The following XIRP2 variants were observed in gnomAD, a reference collection of about 807,000 sequenced individuals.
XIRP2 encodes the protein xin actin-binding repeat-containing protein 2.
In XIRP2, 236 loss-of-function variants were observed where a neutral mutation model predicts 277.0. The observed-to-expected ratio is 0.85, with a 90% CI of 0.77 to 0.95. The LOEUF (loss-of-function observed/expected upper bound fraction) is 0.95. Among genes scored for constraint, XIRP2 ranks in the 40% least tolerant of loss-of-function variants. The pLI, the probability that XIRP2 is intolerant of heterozygous loss-of-function variation, is 0.00. For missense variants in XIRP2, 4,640 were observed against 4,157.5 expected (o/e 1.12, Z -3.19); for synonymous variants, 1,490 against 1,416.5 (o/e 1.05, Z -1.17).
chr2:167,239,230 A>G (rs1694985807), intron 5 of XIRP2, among the ~76,000 whole-genome samples: 1 of 152,198 alleles, frequency 6.6e-6, no homozygotes, highest in African/African-American at 2.4e-5. Context: ...TCTTTCTCAT[A>G]CTGGGTAATA....
In XIRP2 at chr2:167,217,690, G is replaced by A. The variant is rs182554575; in HGVS notation, c.724-476G>A. 2.3e-3 allele frequency among the ~76,000 whole-genome samples: 352 copies of A among 152,202 alleles called. 1 individual carries two copies. Among genetic ancestry groups the A allele is most frequent in the Non-Finnish European group, 3.3e-3 (224 of 68,012 alleles). ...AATATTTTTACATAAGGAATATTCT[G>A]AGGCTATTTTGTTCATCCTTAATAA... On this transcript the variant is annotated intron_variant, in intron 4 of 10. Coordinates refer to ENST00000409195, the MANE Select transcript of XIRP2 (RefSeq NM_152381.6).
intron 2 of XIRP2, among the ~76,000 whole-genome samples, chr2:167,038,351 C>T (rs1013625314): frequency 4.0e-5 from 6 of 151,872 alleles, no homozygotes; most frequent in Non-Finnish European, 7.4e-5. Context: ...CAATAAAGTA[C>T]ATTTGGTTTA....
intron 3 of XIRP2, among the ~76,000 whole-genome samples, chr2:167,204,961 T>C (rs1693815901): frequency 6.6e-6 from 1 of 152,184 alleles, no homozygotes; most frequent in African/African-American, 2.4e-5. Flanking sequence ...AGGTGGGGAT[T>C]TCTTAATGTT....
intron 2 of XIRP2, among the ~76,000 whole-genome samples, chr2:167,014,304 C>G (rs1162169430): frequency 1.3e-5 from 2 of 151,166 alleles, no homozygotes; most frequent in East Asian, 3.9e-4. Context: ...AAAGCCTAAA[C>G]TGAGAAGAAG....
At position 167,205,064 on chromosome 2, in the gene XIRP2, A is replaced by G. The variant is rs1235365309; in HGVS notation, c.563-5671A>G. 5.3e-5 allele frequency among the ~76,000 whole-genome samples: 8 copies of G among 152,218 alleles called. 1 individual carries two copies. The East Asian group carries it at 1.5e-3, about 29-fold the overall frequency. On this transcript the variant is annotated intron_variant, in intron 3 of 10. Transcript: ENST00000409195. Reference sequence around the variant, plus strand: ...TTCTGCATCTTTCTCTCTAGCACATATTCACATGGCCAGCTCTTTCAGGAT... The same window carrying G: ...TTCTGCATCTTTCTCTCTAGCACATGTTCACATGGCCAGCTCTTTCAGGAT...
intron 2 of XIRP2, among the ~76,000 whole-genome samples, chr2:166,904,938 T>A (rs886905594): frequency 6.6e-6 from 1 of 152,050 alleles, no homozygotes; most frequent in African/African-American, 2.4e-5. Flanking sequence ...TGCTTCCAGT[T>A]GTCTTATTGG....
chr2:167,036,755 C>T (rs541126721), intron 2 of XIRP2, among the ~76,000 whole-genome samples: 5 of 152,138 alleles, frequency 3.3e-5, no homozygotes, highest in South Asian at 2.1e-4. Flanking sequence ...GTGTCCCCAC[C>T]CAAATCTCAA....
intron 2 of XIRP2, among the ~76,000 whole-genome samples, chr2:167,095,007 T>C (rs114280962): frequency 6.6e-6 from 1 of 152,214 alleles, no homozygotes; most frequent in Non-Finnish European, 1.5e-5. Context: ...TGATGATTTG[T>C]AATTCCCCTA....
chr2:167,110,028 T>A (rs1329375567), intron 2 of XIRP2, among the ~76,000 whole-genome samples: 1 of 151,358 alleles, frequency 6.6e-6, no homozygotes, highest in Admixed American at 6.6e-5. Flanking sequence ...TTGTTTGATT[T>A]TTACTTGTAA....
rs777524522 is a variant in XIRP2, at chr2:167,251,003, C to T, written c.9611C>T (p.Pro3204Leu). 6.2e-6 allele frequency: 10 copies of T among 1,613,650 alleles called. No homozygotes were observed. The South Asian group carries it at 9.9e-5, about 16-fold the overall frequency. The change falls in exon 9 of 11, where the codon CCG becomes CTG. Residue 3204 changes from proline (P) to leucine (L), a missense_variant. Transcript: ENST00000409195. The stretch of plus-strand genomic sequence containing the variant: ...GCCATCCCATGTCCAGCAGCAACCC[C>T]GGTTCCAATTGTAGAGAAGAGGTCT... ...KGAIPCPAAT[P>L]VPIVEKRSEI... is the part of the protein sequence containing the mutation.
chr2:167,088,338 C>G (rs779419760), intron 2 of XIRP2, among the ~76,000 whole-genome samples: 1 of 152,014 alleles, frequency 6.6e-6, no homozygotes, highest in Non-Finnish European at 1.5e-5. Flanking sequence ...TTCTCCATTC[C>G]CTGCATTTCT....
chr2:167,238,904 C>T (rs992386610), intron 5 of XIRP2, among the ~76,000 whole-genome samples: 1 of 152,046 alleles, frequency 6.6e-6, no homozygotes, highest in Non-Finnish European at 1.5e-5. Flanking sequence ...CAATCATATA[C>T]TTGTGTCAGA....
At chr2:166,933,978 C>G (rs1332108029) in intron 2 of XIRP2, among the ~76,000 whole-genome samples, 3 of 151,668 alleles carry the variant, frequency 2.0e-5, no homozygotes, top group African/African-American at 7.3e-5. Context: ...AAATCAGAAA[C>G]AAAATGCAGG....
intron 2 of XIRP2, among the ~76,000 whole-genome samples, chr2:167,059,101 C>CTTTTTTTT (rs572437575): frequency 9.4e-5 from 9 of 95,974 alleles, no homozygotes; most frequent in Non-Finnish European, 1.3e-4. Context: ...TTTTTTTTCT[C>CTTTTTTTT]TTTTTTTTTT....
At chr2:167,108,433 T>C (rs1690663943) in intron 2 of XIRP2, among the ~76,000 whole-genome samples, 1 of 152,080 alleles carries the variant, frequency 6.6e-6, no homozygotes, top group Admixed American at 6.6e-5. Context: ...AAGTTATTGA[T>C]ATGAGACTTT....
chr2:166,948,970 A>G (rs1212889171), intron 2 of XIRP2, among the ~76,000 whole-genome samples: 1 of 152,058 alleles, frequency 6.6e-6, no homozygotes, highest in African/African-American at 2.4e-5. Context: ...TTTTCCTACC[A>G]GTACTCCACC....
intron 2 of XIRP2, among the ~76,000 whole-genome samples, chr2:167,050,101 AGT>A (rs1469616152): frequency 6.6e-6 from 1 of 152,076 alleles, no homozygotes; most frequent in Non-Finnish European, 1.5e-5. Flanking sequence ...CATGTGGAAC[AGT>A]ATACTATTCA....
chr2:166,904,031 T>C lies in XIRP2; in HGVS notation c.408+141T>C, dbSNP rs1041402798. On this transcript the variant is annotated intron_variant, in intron 2 of 10. Coordinates refer to ENST00000409195, the MANE Select transcript of XIRP2 (RefSeq NM_152381.6). ...AGCCGATGTGTAATGCAGTGTGAAATGTGACATCCTCTCCTATTAATTTTC... is the reference window on the plus strand; with the variant it reads ...AGCCGATGTGTAATGCAGTGTGAAACGTGACATCCTCTCCTATTAATTTTC... 1.1e-5 allele frequency: 10 copies of C among 944,518 alleles called. No homozygotes were observed. The Admixed American group carries it at 2.9e-4, about 27-fold the overall frequency. The allele number at this position is 944,518 out of a possible 1,614,324, so 58.5% of individuals were successfully genotyped here.
intron 3 of XIRP2, among the ~76,000 whole-genome samples, chr2:167,149,042 A>G (rs1374509753): frequency 6.6e-6 from 1 of 152,076 alleles, no homozygotes; most frequent in Non-Finnish European, 1.5e-5. Context: ...TGAATACCAC[A>G]ATGGACTGTA....
Sources: gnomAD v4.1 joint callset for allele counts (sites outside exome capture counted in the v4.1 genomes callset) on GRCh38, gnomAD v4.1.1 for gene constraint, MANE v1.5 for transcripts, NCBI Gene and HGNC (gene_info 2026-07-23, HGNC 2026-07-21) for gene names.